GALNTL6: variants seen among roughly 807,000 people sequenced by gnomAD.
The protein encoded by GALNTL6 is polypeptide N-acetylgalactosaminyltransferase like 6.
In GALNTL6, 46 loss-of-function variants were observed where a neutral mutation model predicts 73.7. That is an observed-to-expected ratio of 0.62 (90% confidence interval 0.49 to 0.80). GALNTL6 has a LOEUF of 0.80. Among genes scored for constraint, GALNTL6 ranks in the 30% least tolerant of loss-of-function variants. The pLI is 0.00. For missense variants in GALNTL6, 604 were observed against 755.0 expected (o/e 0.80, Z 2.34); for synonymous variants, 259 against 263.7 (o/e 0.98, Z 0.17).
intron 2 of GALNTL6, among the ~76,000 whole-genome samples, chr4:172,058,352 A>T (rs989836289): frequency 2.0e-5 from 3 of 152,208 alleles, no homozygotes; most frequent in Non-Finnish European, 2.9e-5. Context: ...CGAATTAAAT[A>T]CATATATAAA....
chr4:173,025,803 A>C (rs1753208363), intron 12 of GALNTL6, among the ~76,000 whole-genome samples: 1 of 152,204 alleles, frequency 6.6e-6, no homozygotes, highest in South Asian at 2.1e-4. Flanking sequence ...TGAAATTGTA[A>C]GGGGATCTTG....
intron 5 of GALNTL6, among the ~76,000 whole-genome samples, chr4:172,785,068 C>G (rs1739578715): frequency 1.3e-5 from 2 of 152,114 alleles, no homozygotes; most frequent in Admixed American, 1.3e-4. Flanking sequence ...GAAATAATAT[C>G]TGATAGAGAA....
intron 12 of GALNTL6, among the ~76,000 whole-genome samples, chr4:173,024,385 A>G (rs1753144079): frequency 6.6e-6 from 1 of 152,228 alleles, no homozygotes; most frequent in Non-Finnish European, 1.5e-5. Flanking sequence ...CTCAAAATGG[A>G]AAGTTTCTGA....
intron 2 of GALNTL6, among the ~76,000 whole-genome samples, chr4:171,890,753 A>T (rs1462026912): frequency 6.6e-6 from 1 of 152,192 alleles, no homozygotes; most frequent in African/African-American, 2.4e-5. Flanking sequence ...AAACATTGAA[A>T]TAACCAATGA....
intron 2 of GALNTL6, among the ~76,000 whole-genome samples, chr4:172,124,670 GA>G (rs1733247220): frequency 6.6e-6 from 1 of 151,872 alleles, no homozygotes; most frequent in African/African-American, 2.4e-5. Flanking sequence ...TACCAAAAAA[GA>G]AAAAAACAAA....
At chr4:172,653,347 G>A (rs955656179) in intron 5 of GALNTL6, among the ~76,000 whole-genome samples, 1 of 151,520 alleles carries the variant, frequency 6.6e-6, no homozygotes, top group Non-Finnish European at 1.5e-5. Flanking sequence ...AGCCTCCCGA[G>A]TAGCTGGGAT....
chr4:172,187,223 T>A (rs968003882), intron 2 of GALNTL6, among the ~76,000 whole-genome samples: 7 of 152,038 alleles, frequency 4.6e-5, no homozygotes, highest in Admixed American at 2.0e-4. Flanking sequence ...AATGAAATTT[T>A]AAAAAAATCC....
At chr4:171,856,919 CAATA>C (rs1467036581) in intron 2 of GALNTL6, among the ~76,000 whole-genome samples, 2 of 152,080 alleles carry the variant, frequency 1.3e-5, no homozygotes, top group African/African-American at 4.8e-5. Context: ...ATTCTTTCTT[CAATA>C]AATACTTATT....
At chr4:172,191,683 C>T (rs1356613187) in intron 2 of GALNTL6, among the ~76,000 whole-genome samples, 1 of 152,188 alleles carries the variant, frequency 6.6e-6, no homozygotes, top group Non-Finnish European at 1.5e-5. Context: ...GTTTATTACA[C>T]TCTTCTAAAA....
rs77155284 is a variant in GALNTL6 at position 172,982,108 on chromosome 4, A to G, written c.1372-27070A>G. On this transcript the variant is annotated intron_variant, in intron 10 of 12. Transcript: ENST00000506823. ...CCGCACCCGGCCAAACATCTTAACA[A>G]TATTAAGTCTTTTGATCCAAGAACA... Among the ~76,000 whole-genome samples, 11 of 152,192 alleles carry G rather than the reference A, an allele frequency of 7.2e-5. No individual in the cohort carries two copies. In the East Asian group the frequency reaches 2.1e-3, roughly 29 times the overall value.
At chr4:172,433,571 G>T (rs569241590) in intron 5 of GALNTL6, among the ~76,000 whole-genome samples, 1 of 152,258 alleles carries the variant, frequency 6.6e-6, no homozygotes, top group South Asian at 2.1e-4. Context: ...ATTAGCCAAT[G>T]AGATGTTAAA....
chr4:172,658,422 G>A (rs1406872153), intron 5 of GALNTL6, among the ~76,000 whole-genome samples: 2 of 138,892 alleles, frequency 1.4e-5, no homozygotes, highest in South Asian at 2.3e-4. Flanking sequence ...AGCCGAGATC[G>A]CACCACTGCA....
intron 5 of GALNTL6, among the ~76,000 whole-genome samples, chr4:172,430,587 G>A (rs1267974549): frequency 6.6e-6 from 1 of 152,020 alleles, no homozygotes; most frequent in Non-Finnish European, 1.5e-5. Flanking sequence ...TGGAAAACAA[G>A]TATCTTTAAA....
chr4:172,473,134 T>G (rs1733112795), intron 5 of GALNTL6, among the ~76,000 whole-genome samples: 1 of 152,174 alleles, frequency 6.6e-6, no homozygotes, highest in African/African-American at 2.4e-5. Flanking sequence ...GCATCATTTG[T>G]CCCACAAATA....
intron 2 of GALNTL6, among the ~76,000 whole-genome samples, chr4:171,992,228 A>G (rs1444032266): frequency 6.6e-6 from 1 of 152,054 alleles, no homozygotes; most frequent in African/African-American, 2.4e-5. Context: ...ACTTGCTGAC[A>G]AAAGAACTGA....
At chr4:172,065,426 G>A (rs902940649) in intron 2 of GALNTL6, among the ~76,000 whole-genome samples, 1 of 152,128 alleles carries the variant, frequency 6.6e-6, no homozygotes, top group Admixed American at 6.5e-5. Context: ...CAGCCCAGGG[G>A]TTGGGGACCC....
intron 5 of GALNTL6, among the ~76,000 whole-genome samples, chr4:172,537,268 T>C (rs1324509756): frequency 3.3e-5 from 5 of 152,218 alleles, no homozygotes; most frequent in Non-Finnish European, 7.3e-5. Context: ...GCTGTGTCCC[T>C]ACCCAAATCT....
At chr4:171,906,339 A>G (rs1737277091) in intron 2 of GALNTL6, among the ~76,000 whole-genome samples, 2 of 150,488 alleles carry the variant, frequency 1.3e-5, no homozygotes, top group South Asian at 2.1e-4. Flanking sequence ...AGAAATACAA[A>G]CTACCATCAG....
At chr4:172,226,801 A>G (rs1560978814) in intron 2 of GALNTL6, among the ~76,000 whole-genome samples, 1 of 151,882 alleles carries the variant, frequency 6.6e-6, no homozygotes, top group Non-Finnish European at 1.5e-5. Context: ...TCATTTTCCA[A>G]ACTGTGTCTT....
Sources: gnomAD v4.1 joint callset for allele counts (sites outside exome capture counted in the v4.1 genomes callset) on GRCh38, gnomAD v4.1.1 for gene constraint, MANE v1.5 for transcripts, NCBI Gene and HGNC (gene_info 2026-07-23, HGNC 2026-07-21) for gene names.